NGFR: variants seen among roughly 807,000 people sequenced by gnomAD.
NGFR encodes the protein tumor necrosis factor receptor superfamily member 16.
NGFR carries 30 observed loss-of-function variants against 43.2 expected under a neutral mutation model. The observed-to-expected ratio is 0.69, with a 90% CI of 0.52 to 0.94. The LOEUF (loss-of-function observed/expected upper bound fraction) is 0.94. Ranked by LOEUF, NGFR falls within the 40% of genes least tolerant of loss-of-function variation. The pLI is 0.00. For missense variants in NGFR, 529 were observed against 602.5 expected, an observed-to-expected ratio of 0.88 and a Z score of 1.28; for synonymous variants, 246 against 259.6, an observed-to-expected ratio of 0.95 and a Z score of 0.50.
In NGFR at chr17:49,510,491, G is replaced by A. The variant is rs1347549111; in HGVS notation, c.648G>A (p.Glu216=). ...DSTAPSTQEP[E]APPEQDLIAS... is the part of the protein sequence containing the mutation. ...CAGCCCCCAGCACCCAGGAGCCTGAGGCACCTCCAGAACAAGACCTCATAG... is the reference window on the plus strand; with the variant it reads ...CAGCCCCCAGCACCCAGGAGCCTGAAGCACCTCCAGAACAAGACCTCATAG... Residue 216 remains glutamate (E), a synonymous_variant, in exon 4 of 6, where the codon GAG becomes GAA. Coordinates refer to ENST00000172229, the MANE Select transcript of NGFR (RefSeq NM_002507.4). 2 of 1,614,126 alleles carry A rather than the reference G, an allele frequency of 1.2e-6. No individual in the cohort carries two copies. Among genetic ancestry groups the A allele is most frequent in the South Asian group, 2.2e-5 (2 of 91,084 alleles).
chr17:49,506,544 G>A lies in NGFR; in HGVS notation c.454G>A (p.Gly152Ser), dbSNP rs565214824. 5.0e-6 allele frequency: 8 copies of A among 1,611,652 alleles called. No individual in the cohort carries two copies. Among genetic ancestry groups the A allele is most frequent in the Admixed American group, 3.3e-5 (2 of 59,950 alleles). Residue 152 changes from glycine to serine, a missense_variant, in exon 3 of 6, where the codon GGC becomes AGC. Gly to Ser is a moderately conservative substitution (Grantham distance 56). Coordinates refer to ENST00000172229, the MANE Select transcript of NGFR (RefSeq NM_002507.4). Reference sequence around the variant, plus strand: ...CACCGTGTGCGAGGAGTGCCCCGACGGCACGTATTCCGACGAGGCCAACCA... The same window carrying A: ...CACCGTGTGCGAGGAGTGCCCCGACAGCACGTATTCCGACGAGGCCAACCA... ...QNTVCEECPD[G>S]TYSDEANHVD... is the part of the protein sequence containing the mutation.
Position 49,512,827 on chromosome 17 carries a change from T to C in NGFR, c.1102T>C (p.Tyr368His). Residue 368 changes from tyrosine to histidine, a missense_variant, in exon 6 of 6, where the codon TAC (tyrosine) becomes CAC (histidine). Physicochemically the swap from Tyr to His is moderately conservative, Grantham distance 83. Transcript: ENST00000172229. This position sits in a 1 kb window ranked among gnomAD's most constrained non-coding sequence, Gnocchi z 5.2. ...TWRHLAGELG[Y>H]QPEHIDSFTH... ...GCGGCACCTGGCGGGCGAGCTGGGCTACCAGCCCGAGCACATAGACTCCTT... is the reference window on the plus strand; with the variant it reads ...GCGGCACCTGGCGGGCGAGCTGGGCCACCAGCCCGAGCACATAGACTCCTT... 6.2e-7 allele frequency: 1 copy of C among 1,613,438 alleles called. No individual in the cohort carries two copies.
chr17:49,511,231 CTT>C (rs1292123418), intron 4 of NGFR: 8 of 153,970 alleles, frequency 5.2e-5, no homozygotes, highest in Admixed American at 3.2e-4. Context: ...CCAAATCCTA[CTT>C]CTCTCCTTAT....
chr17:49,503,336 A>G (rs2071178364), intron 2 of NGFR, among the ~76,000 whole-genome samples: 1 of 152,022 alleles, frequency 6.6e-6, no homozygotes, highest in Non-Finnish European at 1.5e-5. Flanking sequence ...TTGAGTCAGG[A>G]GTCTCGGTCC....
Position 49,510,403 on chromosome 17 carries a change from T to C in NGFR, c.569-9T>C, listed in dbSNP as rs1435909814. On this transcript the variant is annotated splice_polypyrimidine_tract_variant and intron_variant, in intron 3 of 5. Transcript: ENST00000172229. Reference sequence around the variant, plus strand: ...AGTGGGTCCTCACTCCTGTGGCCTTTTCTCCCAGAGATCCCTGGCCGTTGG... The same window carrying C: ...AGTGGGTCCTCACTCCTGTGGCCTTCTCTCCCAGAGATCCCTGGCCGTTGG... The C allele has an allele frequency of 6.2e-7, 1 of 1,612,454 alleles. No individual in the cohort carries two copies. The highest frequency in any genetic ancestry group is 8.5e-7 in the Non-Finnish European group (1 of 1,178,822).
chr17:49,503,169 C>T lies in NGFR; in HGVS notation c.208+965C>T, dbSNP rs1031420081. Among the ~76,000 whole-genome samples, 3 of 152,164 alleles carry T rather than the reference C, an allele frequency of 2.0e-5. No homozygotes were observed. In the South Asian group the frequency reaches 6.2e-4, roughly 32 times the overall value. On this transcript the variant is annotated intron_variant, in intron 2 of 5. Coordinates refer to ENST00000172229, the MANE Select transcript of NGFR (RefSeq NM_002507.4). ...TTCTGGCCTCAAGTGATCCACCTGC[C>T]TTAGCCTCCCAAAGTGTTGGGATTA...
intron 1 of NGFR, among the ~76,000 whole-genome samples, chr17:49,499,680 T>G (rs2071156579): frequency 6.6e-6 from 1 of 152,158 alleles, no homozygotes; most frequent in Admixed American, 6.5e-5. Flanking sequence ...CTCTGCCTCC[T>G]GGGTTCAAGC....
chr17:49,514,864 C>T lies in NGFR; in HGVS notation c.*1855C>T, dbSNP rs1456178160. 2 of 152,042 alleles carry T rather than the reference C, an allele frequency of 1.3e-5. No individual in the cohort carries two copies. Among genetic ancestry groups the T allele is most frequent in the African/African-American group, 2.4e-5 (1 of 41,452 alleles). The allele number at this position is 152,042 out of a possible 1,614,324, so 9.4% of individuals were successfully genotyped here. ...GCTGAGATGGAACCCTTTTGGCCCCCGAGCTGGGGGCCATGAGCTCCAGAC... is the reference window on the plus strand; with the variant it reads ...GCTGAGATGGAACCCTTTTGGCCCCTGAGCTGGGGGCCATGAGCTCCAGAC... On this transcript the variant is annotated 3_prime_UTR_variant, in exon 6 of 6. Coordinates refer to ENST00000172229, the MANE Select transcript of NGFR (RefSeq NM_002507.4).
chr17:49,501,029 C>A (rs2071164306), intron 1 of NGFR, among the ~76,000 whole-genome samples: 1 of 152,230 alleles, frequency 6.6e-6, no homozygotes, highest in Non-Finnish European at 1.5e-5. Context: ...GCTGCATGGT[C>A]TGGAGCTAGC....
chr17:49,511,900 G>A lies in NGFR; in HGVS notation c.830G>A (p.Ser277Asn). 6.2e-7 allele frequency: 1 copy of A among 1,607,094 alleles called. No homozygotes were observed. Among genetic ancestry groups the A allele is most frequent in the Non-Finnish European group, 8.5e-7 (1 of 1,176,698 alleles). ...VAYIAFKRWN[S>N]CKQNKQGANS... is the part of the protein sequence containing the mutation. ...CTGTCCTCTGGCTCCAGGTGGAACA[G>A]CTGCAAGCAGAACAAGCAAGGAGCC... Residue 277 changes from serine to asparagine, a missense_variant, in exon 5 of 6, where the codon AGC (serine) becomes AAC (asparagine). Coordinates refer to ENST00000172229, the MANE Select transcript of NGFR (RefSeq NM_002507.4).
chr17:49,512,053 G>A lies in NGFR; in HGVS notation c.982+1G>A. ...CACACGCAGACAGCCTCGGGCCAGG[G>A]TGAGCAGCGGCCCGCTGGGGAGCTG... is the stretch of plus-strand genomic sequence containing the variant. On this transcript the variant is annotated splice_donor_variant, in intron 5 of 5. Coordinates refer to ENST00000172229, the MANE Select transcript of NGFR (RefSeq NM_002507.4). LOFTEE classifies it high-confidence loss of function. This position sits in a 1 kb window ranked among gnomAD's most constrained non-coding sequence, Gnocchi z 5.2. 6.2e-7 allele frequency: 1 copy of A among 1,612,324 alleles called. No homozygotes were observed. Among genetic ancestry groups the A allele is most frequent in the Non-Finnish European group, 8.5e-7 (1 of 1,179,258 alleles).
intron 3 of NGFR, 35 bp downstream of exon 3, chr17:49,506,693 T>TGGGGGGGGG: frequency 9.5e-5 from 11 of 115,492 alleles, no homozygotes; most frequent in East Asian, 2.0e-4. Context: ...GGAGTGGGGG[T>TGGGGGGGGG]GCGGGGGTGG....
Position 49,502,006 on chromosome 17 carries a change from C to G in NGFR, c.67-57C>G, listed in dbSNP as rs895669793. The G allele has an allele frequency of 2.1e-5, 12 of 581,094 alleles. 2 individuals are homozygous for G. Among genetic ancestry groups the G allele is most frequent in the South Asian group, 6.3e-5 (2 of 31,596 alleles). 36.0% of individuals were successfully genotyped at this position (581,094 alleles called of 1,614,324 possible). A position where few individuals can be genotyped will look rare whatever the true frequency, so the allele number is the denominator to read the frequency against. On this transcript the variant is annotated intron_variant, in intron 1 of 5. Transcript: ENST00000172229. ...TGTTTGATTCCCCGGAAGAACCCCC[C>G]CCAACCCACCCCAGCTTTCTCTTGC...
Position 49,506,479 on chromosome 17 carries a change from C to T in NGFR, c.389C>T (p.Ala130Val), listed in dbSNP as rs1342231769. Residue 130 changes from alanine (A) to valine (V), a missense_variant, in exon 3 of 6, where the codon GCG (alanine) becomes GTG (valine). Ala to Val is a moderately conservative substitution (Grantham distance 64). Coordinates refer to ENST00000172229, the MANE Select transcript of NGFR (RefSeq NM_002507.4). ...TGCGAGGCGTGCCGCGTGTGCGAGG[C>T]GGGCTCGGGCCTCGTGTTCTCCTGC... ...GRCEACRVCE[A>V]GSGLVFSCQD... 3.1e-6 allele frequency: 5 copies of T among 1,610,116 alleles called. No homozygotes were observed. Among genetic ancestry groups the T allele is most frequent in the East Asian group, 4.5e-5 (2 of 44,806 alleles).
rs1358588774 is a variant in NGFR at position 49,502,162 on chromosome 17, C to A, written c.166C>A (p.Pro56Thr). The A allele has an allele frequency of 1.9e-6, 3 of 1,611,714 alleles. No individual in the cohort carries two copies. The African/African-American group carries it at 4.0e-5, about 22-fold the overall frequency. The change falls in exon 2 of 6, where the codon CCT becomes ACT. Residue 56 changes from proline (P) to threonine (T), a missense_variant. By Grantham distance (38) the Pro-to-Thr change is conservative. Transcript: ENST00000172229. ...ACNLGEGVAQ[P>T]CGANQTVCEP... The stretch of plus-strand genomic sequence containing the variant: ...CAACCTGGGCGAGGGTGTGGCCCAG[C>A]CTTGTGGAGCCAACCAGACCGTGTG...
In NGFR at chr17:49,495,480, G is replaced by C. The variant is rs1160450505; in HGVS notation, c.63G>C (p.Leu21=). The change falls in exon 1 of 6, where the codon CTG becomes CTC. Residue 21 remains leucine (L), a synonymous_variant. Transcript: ENST00000172229. This position sits in a 1 kb window ranked among gnomAD's most constrained non-coding sequence, Gnocchi z 6.4. ...DGPRLLLLLL[L]GVSLGGAKEA... ...CGCGCCTGCTGCTGTTGCTGCTTCT[G>C]GGGGTGAGTGTTAGCCGGAGGGGGC... 6 of 1,237,024 alleles carry C rather than the reference G, an allele frequency of 4.9e-6. No individual in the cohort carries two copies. The East Asian group carries it at 1.9e-4, about 39-fold the overall frequency. 76.6% of individuals were successfully genotyped at this position (1,237,024 alleles called of 1,614,324 possible). A position where few individuals can be genotyped will look rare whatever the true frequency, so the allele number is the denominator to read the frequency against.
At chr17:49,507,856 G>A (rs1355939815) in intron 3 of NGFR, among the ~76,000 whole-genome samples, 1 of 152,212 alleles carries the variant, frequency 6.6e-6, no homozygotes, top group Non-Finnish European at 1.5e-5. Context: ...TTAGTCCCCA[G>A]CTGAAGGAGA....
chr17:49,498,259 A>G (rs1440667682), intron 1 of NGFR, among the ~76,000 whole-genome samples: 1 of 152,070 alleles, frequency 6.6e-6, no homozygotes, highest in Non-Finnish European at 1.5e-5. Context: ...ATCGTGCCCT[A>G]TGCCTTTGGC....
chr17:49,509,445 C>T (rs2071218549), intron 3 of NGFR, among the ~76,000 whole-genome samples: 1 of 152,242 alleles, frequency 6.6e-6, no homozygotes, highest in Non-Finnish European at 1.5e-5. Context: ...CCAGAGCCCA[C>T]AACCCCTAGC....
Sources: gnomAD v4.1 joint callset for allele counts (sites outside exome capture counted in the v4.1 genomes callset) on GRCh38, gnomAD v4.1.1 for gene constraint, Gnocchi (gnomAD v3.1) non-coding constraint, MANE v1.5 for transcripts, NCBI Gene and HGNC (gene_info 2026-07-23, HGNC 2026-07-21) for gene names.